Variants in HYDIN observed in about 807,000 individuals in gnomAD.
HYDIN encodes HYDIN axonemal central pair apparatus protein.
Under a neutral mutation model 403.9 loss-of-function variants are expected in HYDIN, and 132 were observed. The observed-to-expected ratio is 0.33, with a 90% CI of 0.28 to 0.38. The LOEUF is 0.38. HYDIN is among the 10% of genes least tolerant of loss of function. HYDIN has a pLI of 1.00. For synonymous variants in HYDIN, 1,202 were observed against 1,891.7 expected, an observed-to-expected ratio of 0.64 and a Z score of 9.46; for missense variants, 2,827 against 5,009.5, an observed-to-expected ratio of 0.56 and a Z score of 13.15.
intron 45 of HYDIN, chr16:70,933,633 G>A (rs1398015432): frequency 6.5e-6 from 1 of 154,568 alleles, no homozygotes; most frequent in African/African-American, 2.4e-5. Context: ...ATCTCCCTCA[G>A]CGGGTGTTGT....
At position 70,829,791 on chromosome 16, in the gene HYDIN, G is replaced by C; in HGVS notation, c.13939C>G (p.Gln4647Glu). Residue 4647 changes from glutamine to glutamate, a missense_variant, in exon 81 of 86, where the codon CAG (glutamine) becomes GAG (glutamate). By Grantham distance (29) the Gln-to-Glu change is conservative (BLOSUM62 2). Coordinates refer to ENST00000393567, the MANE Select transcript of HYDIN (RefSeq NM_001270974.2). ...FTCQVRSKHT[Q>E]TILLSNRTNQ... is the part of the protein sequence containing the mutation. ...GTGCGGTTTGACAGCAGGATGGTCT[G>C]CGTGTGCTTGGAGCGCACCTGGCAC... 1.2e-6 allele frequency: 2 copies of C among 1,614,046 alleles called. No individual in the cohort carries two copies. The highest frequency in any genetic ancestry group is 1.7e-6 in the Non-Finnish European group (2 of 1,179,882).
intron 12 of HYDIN, among the ~76,000 whole-genome samples, chr16:71,082,135 A>C (rs1220860806): frequency 2.0e-5 from 3 of 151,884 alleles, no homozygotes; most frequent in Non-Finnish European, 4.4e-5. Flanking sequence ...AACCTACGAT[A>C]TTAACTTTAT....
At chr16:70,877,183 T>C (rs1419943829) in intron 62 of HYDIN, among the ~76,000 whole-genome samples, 3 of 147,374 alleles carry the variant, frequency 2.0e-5, no homozygotes, top group African/African-American at 8.0e-5. Context: ...GTGGAAAATA[T>C]AGTGAGACTA....
At chr16:71,163,114 T>G (rs1376311547) in intron 5 of HYDIN, among the ~76,000 whole-genome samples, 1 of 144,228 alleles carries the variant, frequency 6.9e-6, no homozygotes, top group Non-Finnish European at 1.5e-5. Flanking sequence ...ATTAGAATGA[T>G]GTTTCTTTTT....
chr16:71,028,180 G>A (rs2080780506), intron 19 of HYDIN, among the ~76,000 whole-genome samples: 1 of 151,706 alleles, frequency 6.6e-6, no homozygotes, highest in Non-Finnish European at 1.5e-5. Flanking sequence ...AAATAGCTCT[G>A]AGGAGTGAAA....
chr16:71,150,520 C>T (rs898433538), intron 7 of HYDIN, among the ~76,000 whole-genome samples: 48 of 151,938 alleles, frequency 3.2e-4, no homozygotes, highest in African/African-American at 1.0e-3. Flanking sequence ...CAATGACACA[C>T]GGCCTCTACA....
intron 78 of HYDIN, among the ~76,000 whole-genome samples, chr16:70,834,946 A>G (rs1262410771): frequency 1.4e-5 from 2 of 145,560 alleles, no homozygotes; most frequent in African/African-American, 2.6e-5. Context: ...ATACACACAT[A>G]TATGTATATA....
Position 70,879,472 on chromosome 16 carries a change from C to T in HYDIN, c.10382G>A (p.Ser3461Asn). The change falls in exon 62 of 86, where the codon AGC becomes AAC. Residue 3461 changes from serine to asparagine, a missense_variant. Transcript: ENST00000393567. Reference protein sequence around the residue: ...LDGLPSTLAKSRGLVFDIAGE... With the variant: ...LDGLPSTLAKNRGLVFDIAGE... ...AGCGATGTCAAACACGAGGCCTCGG[C>T]TCTTGGCCAGGGTGCTGTAGGGGAC... 4 of 1,613,632 alleles carry T rather than the reference C, an allele frequency of 2.5e-6. No individual in the cohort carries two copies. Among genetic ancestry groups the T allele is most frequent in the Non-Finnish European group, 2.5e-6 (3 of 1,179,764 alleles).
In HYDIN at chr16:70,892,426, C is replaced by G. The variant is rs545412163; in HGVS notation, c.9352G>C (p.Val3118Leu). 2.0e-5 allele frequency: 32 copies of G among 1,604,462 alleles called. No homozygotes were observed. In the African/African-American group the frequency reaches 3.4e-4, roughly 17 times the overall value. The change falls in exon 56 of 86, where the codon GTC (valine) becomes CTC (leucine). Residue 3118 changes from valine to leucine, a missense_variant. By Grantham distance (32) the Val-to-Leu change is conservative. Coordinates refer to ENST00000393567, the MANE Select transcript of HYDIN (RefSeq NM_001270974.2). Reference protein sequence around the residue: ...SLTPTEKPTNVQVFFHAKKEV... With the variant: ...SLTPTEKPTNLQVFFHAKKEV... ...TTTTTTGCATGGAAGAAAACTTGGA[C>G]ATTTGTGGGTTTTTCTGTTGGGGTC...
At chr16:71,158,448 A>G (rs1461738224) in intron 6 of HYDIN, among the ~76,000 whole-genome samples, 3 of 151,924 alleles carry the variant, frequency 2.0e-5, no homozygotes, top group Non-Finnish European at 4.4e-5. Context: ...TAAATCTGTG[A>G]AGTGATTTTT....
chr16:71,022,201 C>G (rs2080521416), intron 21 of HYDIN, among the ~76,000 whole-genome samples: 1 of 151,978 alleles, frequency 6.6e-6, no homozygotes. Context: ...GTACAGAAGC[C>G]ACACTTGGTT....
intron 6 of HYDIN, among the ~76,000 whole-genome samples, chr16:71,158,465 C>T (rs1241884787): frequency 6.6e-6 from 1 of 151,314 alleles, no homozygotes; most frequent in Non-Finnish European, 1.5e-5. Flanking sequence ...TTTTGCTTCA[C>T]ATTTACATGA....
chr16:70,842,370 G>A (rs1054938325), intron 75 of HYDIN, among the ~76,000 whole-genome samples: 22 of 151,606 alleles, frequency 1.5e-4, no homozygotes, highest in East Asian at 1.9e-4. Flanking sequence ...GGACTCTGTC[G>A]TTACATGCAT....
chr16:71,180,811 A>G (rs181206296), intron 3 of HYDIN, among the ~76,000 whole-genome samples: 12 of 152,210 alleles, frequency 7.9e-5, no homozygotes, highest in Admixed American at 7.8e-4. Flanking sequence ...ATTCAAAATA[A>G]CCTACAAATA....
intron 2 of HYDIN, 88 bp from the exon 3 acceptor site, chr16:71,185,078 G>T: frequency 1.2e-6 from 1 of 863,568 alleles, no homozygotes; most frequent in Non-Finnish European, 1.6e-6. Flanking sequence ...AATAATTTGT[G>T]TTTGCAGCTT....
chr16:70,938,924 T>G (rs2077583259), intron 43 of HYDIN, among the ~76,000 whole-genome samples, 169 bp from the exon 44 acceptor site: 1 of 152,008 alleles, frequency 6.6e-6, no homozygotes, highest in South Asian at 2.1e-4. Context: ...ACTTCCACAT[T>G]TGGGCTCTGT....
intron 5 of HYDIN, among the ~76,000 whole-genome samples, chr16:71,172,275 C>T (rs780940534): frequency 5.9e-5 from 9 of 152,150 alleles, no homozygotes; most frequent in East Asian, 3.8e-4. Context: ...CTGCCTTTTC[C>T]GTATGACAAC....
At chr16:71,024,806 T>G (rs530973213) in intron 21 of HYDIN, among the ~76,000 whole-genome samples, 9 of 150,296 alleles carry the variant, frequency 6.0e-5, no homozygotes, top group South Asian at 4.3e-4. Flanking sequence ...CGTAGAGCCA[T>G]TTAAGTTAAA....
intron 25 of HYDIN, among the ~76,000 whole-genome samples, chr16:70,989,044 C>T (rs2221881): frequency 1.3e-5 from 2 of 151,896 alleles, no homozygotes; most frequent in Non-Finnish European, 2.9e-5. Flanking sequence ...TATGTACACA[C>T]ATGTACATAT....
Sources: gnomAD v4.1 joint callset for allele counts (sites outside exome capture counted in the v4.1 genomes callset) on GRCh38, gnomAD v4.1.1 for gene constraint, MANE v1.5 for transcripts, NCBI Gene and HGNC (gene_info 2026-07-23, HGNC 2026-07-21) for gene names.